ANK3: variants seen among roughly 807,000 people sequenced by gnomAD.
ANK3 encodes the protein ankyrin 3.
ANK3 carries 57 observed loss-of-function variants against 370.9 expected under a neutral mutation model. The observed-to-expected ratio is 0.15, with a 90% confidence interval of 0.12 to 0.19. The LOEUF is 0.19. Ranked by LOEUF, ANK3 falls within the 10% of genes least tolerant of loss-of-function variation. The pLI is 1.00. For missense variants in ANK3, 4,439 were observed against 5,302.1 expected (o/e 0.84, Z 5.06); for synonymous variants, 1,929 against 1,946.3 (o/e 0.99, Z 0.23).
At chr10:60,178,182 A>T (rs1462402727) in intron 18 of ANK3, among the ~76,000 whole-genome samples, 1 of 152,176 alleles carries the variant, frequency 6.6e-6, no homozygotes, top group East Asian at 1.9e-4. Flanking sequence ...TTCTAGCAAC[A>T]TCTTAAGACA....
intron 25 of ANK3, among the ~76,000 whole-genome samples, chr10:60,122,394 G>A (rs2093533478): frequency 6.6e-6 from 1 of 152,200 alleles, no homozygotes; most frequent in African/African-American, 2.4e-5. Flanking sequence ...GGGTAGGGGA[G>A]TGTGCCTATC....
intron 2 of ANK3, among the ~76,000 whole-genome samples, chr10:60,455,872 C>G (rs2064734614): frequency 6.6e-6 from 1 of 152,172 alleles, no homozygotes. Flanking sequence ...AAGAGTCACT[C>G]CCCTTGGGAG....
intron 2 of ANK3, among the ~76,000 whole-genome samples, chr10:60,582,303 C>T (rs995577669): frequency 2.0e-5 from 3 of 152,100 alleles, no homozygotes; most frequent in Admixed American, 6.5e-5. Context: ...TGCAGCTTAT[C>T]CAGAACCACA....
At chr10:60,250,309 G>A (rs1188953866) in intron 7 of ANK3, among the ~76,000 whole-genome samples, 1 of 152,148 alleles carries the variant, frequency 6.6e-6, no homozygotes, top group East Asian at 1.9e-4. Flanking sequence ...GAGACAAACT[G>A]GGAAAAACCA....
chr10:60,289,254 T>G (rs1447781737), intron 1 of ANK3, among the ~76,000 whole-genome samples: 1 of 147,672 alleles, frequency 6.8e-6, no homozygotes, highest in African/African-American at 2.5e-5. Flanking sequence ...CTTTTTCATC[T>G]ATGCCCTGCC....
chr10:60,484,501 G>T (rs923083742), intron 2 of ANK3, among the ~76,000 whole-genome samples: 3 of 152,062 alleles, frequency 2.0e-5, no homozygotes, highest in Admixed American at 1.3e-4. Flanking sequence ...GCAATGAGTT[G>T]GTCATTAAGC....
At chr10:60,465,817 G>A (rs2064999965) in intron 2 of ANK3, among the ~76,000 whole-genome samples, 2 of 143,036 alleles carry the variant, frequency 1.4e-5, no homozygotes, top group Admixed American at 7.1e-5. Flanking sequence ...CAAAAAAAGA[G>A]GACTTAGGAT....
intron 1 of ANK3, among the ~76,000 whole-genome samples, chr10:60,626,388 G>T (rs1223451001): frequency 1.3e-5 from 2 of 151,970 alleles, no homozygotes; most frequent in African/African-American, 4.8e-5. Context: ...AAATAGTAAA[G>T]AGCATAAATA....
chr10:60,130,191 A>G (rs1268149983), intron 25 of ANK3, among the ~76,000 whole-genome samples: 1 of 152,190 alleles, frequency 6.6e-6, no homozygotes, highest in Non-Finnish European at 1.5e-5. Context: ...CAGGGGGTGG[A>G]GATGGCTCCA....
intron 1 of ANK3, among the ~76,000 whole-genome samples, chr10:60,636,449 G>T (rs1262955966): frequency 6.6e-6 from 1 of 152,158 alleles, no homozygotes; most frequent in African/African-American, 2.4e-5. Context: ...TTCTCTTCGT[G>T]TGATGGCTAA....
intron 1 of ANK3, among the ~76,000 whole-genome samples, chr10:60,310,321 A>T (rs2046091196): frequency 6.6e-6 from 1 of 152,198 alleles, no homozygotes; most frequent in African/African-American, 2.4e-5. Flanking sequence ...TTTGATTCTA[A>T]TTGCAGTGCT....
chr10:60,535,755 T>C (rs748632551), intron 2 of ANK3, among the ~76,000 whole-genome samples: 6 of 151,982 alleles, frequency 3.9e-5, no homozygotes, highest in Non-Finnish European at 8.8e-5. Context: ...ATGCATAAAG[T>C]ACAGATATAC....
intron 41 of ANK3, among the ~76,000 whole-genome samples, chr10:60,056,566 C>T (rs1440607872): frequency 6.6e-6 from 1 of 152,110 alleles, no homozygotes; most frequent in Non-Finnish European, 1.5e-5. Flanking sequence ...TGCCAAATTG[C>T]CTAGCTATGC....
chr10:60,617,005 G>C lies in ANK3; in HGVS notation c.58-1781C>G, dbSNP rs187933358. Among the ~76,000 whole-genome samples, 22 of 152,070 alleles carry C rather than the reference G, an allele frequency of 1.4e-4. No individual in the cohort carries two copies. In the East Asian group the frequency reaches 3.7e-3, roughly 25 times the overall value. On this transcript the variant is annotated intron_variant, in intron 1 of 43. Transcript: ENST00000373827. ...TATGCCTTTGACTGTCTTTACTCAGGATGTTTGTGGGTTTCTATTGATTTA... is the reference window on the plus strand; with the variant it reads ...TATGCCTTTGACTGTCTTTACTCAGCATGTTTGTGGGTTTCTATTGATTTA...
Position 60,331,910 on chromosome 10 carries a change from A to C in ANK3, c.115-52271T>G, listed in dbSNP as rs1566640902. On this transcript the variant is annotated intron_variant, in intron 1 of 43. Transcript: ENST00000280772. ...TTGCAGAGAAACCATTTTAAAGATA[A>C]AATCAGAAAGAAATTGATTCTTTTC... 1.3e-5 allele frequency among the ~76,000 whole-genome samples: 2 copies of C among 152,222 alleles called. 1 individual carries two copies. Among genetic ancestry groups the C allele is most frequent in the Non-Finnish European group, 2.9e-5 (2 of 68,042 alleles).
intron 2 of ANK3, among the ~76,000 whole-genome samples, chr10:60,514,242 A>T (rs1183848939): frequency 6.6e-6 from 1 of 152,152 alleles, no homozygotes; most frequent in African/African-American, 2.4e-5. Context: ...CAAATTATAC[A>T]CAAGAGTTTT....
At chr10:60,586,233 A>T (rs2077829746) in intron 2 of ANK3, among the ~76,000 whole-genome samples, 2 of 152,090 alleles carry the variant, frequency 1.3e-5, no homozygotes, top group Admixed American at 1.3e-4. Flanking sequence ...ATAAGAAAGA[A>T]TTTTCCAGAG....
intron 26 of ANK3, among the ~76,000 whole-genome samples, chr10:60,113,039 C>T (rs1434090429): frequency 2.0e-5 from 3 of 152,116 alleles, no homozygotes; most frequent in Non-Finnish European, 2.9e-5. Flanking sequence ...ATGAAGAATC[C>T]AGTATCTAAA....
chr10:60,136,430 C>T (rs560628364), intron 24 of ANK3, among the ~76,000 whole-genome samples: 5 of 152,156 alleles, frequency 3.3e-5, no homozygotes, highest in African/African-American at 7.2e-5. Context: ...TGAGAGTCGC[C>T]GGCCACTCTC....
Sources: allele counts gnomAD v4.1 joint callset (sites outside exome capture counted in the v4.1 genomes callset), GRCh38; gene constraint gnomAD v4.1.1; transcripts MANE v1.5; gene names NCBI Gene and HGNC (gene_info 2026-07-23, HGNC 2026-07-21).